SOX5: variants seen among roughly 807,000 people sequenced by gnomAD.
SOX5 encodes SRY-box transcription factor 5, also known as transcription factor SOX-5.
SOX5 carries 9 observed loss-of-function variants against 92.0 expected under a neutral mutation model. That is an observed-to-expected ratio of 0.10 (90% CI 0.06 to 0.17). SOX5 has a LOEUF of 0.17. Among genes scored for constraint, SOX5 ranks in the 10% least tolerant of loss-of-function variants. The pLI is 1.00. For missense variants in SOX5, 642 were observed against 944.5 expected (o/e 0.68, Z 4.20); for synonymous variants, 344 against 336.3 (o/e 1.02, Z -0.25).
In SOX5 at chr12:23,895,124, G is replaced by A. The variant is rs572485521; in HGVS notation, c.270+669C>T. ...CTTTCCTCTCATCCACAAAGTCCTGGTTTCCTAATCTTCTACAGTGATCCA... is the reference window on the plus strand; with the variant it reads ...CTTTCCTCTCATCCACAAAGTCCTGATTTCCTAATCTTCTACAGTGATCCA... On this transcript the variant is annotated intron_variant, in intron 2 of 14. Coordinates refer to ENST00000451604, the MANE Select transcript of SOX5 (RefSeq NM_006940.6). 4.8e-5 allele frequency among the ~76,000 whole-genome samples: 7 copies of A among 145,354 alleles called. No individual in the cohort carries two copies. In the South Asian group the frequency reaches 1.5e-3, roughly 31 times the overall value.
intron 2 of SOX5, among the ~76,000 whole-genome samples, chr12:24,325,650 C>T (rs1019728759): frequency 6.6e-6 from 1 of 152,118 alleles, no homozygotes; most frequent in Non-Finnish European, 1.5e-5. Flanking sequence ...GGGGAACATG[C>T]ATTTACATGA....
At chr12:24,051,618 A>G (rs1957571865) in intron 4 of SOX5, among the ~76,000 whole-genome samples, 1 of 152,200 alleles carries the variant, frequency 6.6e-6, no homozygotes, top group Non-Finnish European at 1.5e-5. Context: ...AAAATTGTTA[A>G]AAGTCTTTGA....
chr12:23,604,358 G>T (rs748087696), intron 9 of SOX5, 29 bp downstream of exon 9: 18 of 1,611,474 alleles, frequency 1.1e-5, no homozygotes, highest in Admixed American at 1.7e-5. Context: ...AAGCTAAGTG[G>T]CAAGACAGTG....
intron 4 of SOX5, among the ~76,000 whole-genome samples, chr12:24,169,832 T>C (rs1953867912): frequency 6.6e-6 from 1 of 152,208 alleles, no homozygotes; most frequent in Non-Finnish European, 1.5e-5. Context: ...TAGTAAATGA[T>C]GGATCTGACT....
intron 4 of SOX5, among the ~76,000 whole-genome samples, chr12:24,017,333 T>C (rs549002475): frequency 4.6e-5 from 7 of 152,256 alleles, no homozygotes; most frequent in Admixed American, 3.9e-4. Flanking sequence ...GTGTGGTGGT[T>C]CATGCCTGTA....
chr12:23,879,356 C>G (rs1157304115), intron 2 of SOX5, among the ~76,000 whole-genome samples: 1 of 151,868 alleles, frequency 6.6e-6, no homozygotes, highest in East Asian at 1.9e-4. Context: ...AAGAAATTAA[C>G]AGGAAGAAAA....
intron 2 of SOX5, among the ~76,000 whole-genome samples, chr12:23,849,413 T>A (rs2096607206): frequency 6.6e-6 from 1 of 152,184 alleles, no homozygotes; most frequent in Admixed American, 6.5e-5. Context: ...CAAGCCTGAT[T>A]ATAATTTCCA....
At chr12:24,425,457 C>T (rs1048551405) in intron 1 of SOX5, among the ~76,000 whole-genome samples, 5 of 152,190 alleles carry the variant, frequency 3.3e-5, no homozygotes, top group Admixed American at 6.5e-5. Flanking sequence ...CCCAAACCAT[C>T]AAAACCACAC....
chr12:23,648,349 GA>G (rs1297725412), intron 7 of SOX5, among the ~76,000 whole-genome samples: 1 of 152,138 alleles, frequency 6.6e-6, no homozygotes, highest in Non-Finnish European at 1.5e-5. Context: ...TCCTTTATGT[GA>G]AAGTTTATAT....
At chr12:23,618,836 T>A (rs1319990236) in intron 8 of SOX5, among the ~76,000 whole-genome samples, 1 of 152,170 alleles carries the variant, frequency 6.6e-6, no homozygotes, top group African/African-American at 2.4e-5. Flanking sequence ...ATTAAATTCA[T>A]CTCTTTTGCA....
At chr12:24,328,960 T>C (rs1474128505) in intron 2 of SOX5, among the ~76,000 whole-genome samples, 1 of 152,170 alleles carries the variant, frequency 6.6e-6, no homozygotes, top group African/African-American at 2.4e-5. Flanking sequence ...TCATACAAAA[T>C]ATTTCTATTG....
intron 1 of SOX5, among the ~76,000 whole-genome samples, chr12:24,369,801 A>T (rs1956542330): frequency 6.6e-6 from 1 of 152,218 alleles, no homozygotes; most frequent in African/African-American, 2.4e-5. Flanking sequence ...TAATCTTGAC[A>T]CTAACAATAG....
intron 4 of SOX5, among the ~76,000 whole-genome samples, chr12:24,023,130 G>A (rs1055687157): frequency 4.6e-5 from 7 of 152,014 alleles, no homozygotes; most frequent in African/African-American, 1.4e-4. Flanking sequence ...ATTTATCTGT[G>A]AATCATAATT....
chr12:24,115,634 A>C (rs185662282), intron 4 of SOX5, among the ~76,000 whole-genome samples: 46 of 152,342 alleles, frequency 3.0e-4, no homozygotes, highest in Admixed American at 3.0e-3. Flanking sequence ...AGATTTGATA[A>C]AGGCAAAGAT....
chr12:24,395,662 A>G (rs1283695469), intron 1 of SOX5, among the ~76,000 whole-genome samples: 4 of 152,250 alleles, frequency 2.6e-5, no homozygotes, highest in Non-Finnish European at 5.9e-5. Flanking sequence ...GAAACCATCA[A>G]TAAAGCATAG....
intron 1 of SOX5, among the ~76,000 whole-genome samples, chr12:24,542,720 G>A (rs769465907): frequency 6.6e-6 from 1 of 152,146 alleles, no homozygotes. Flanking sequence ...ATGTTTTATT[G>A]ACACCAAATT....
chr12:23,643,775 G>A (rs2080447561), intron 7 of SOX5, among the ~76,000 whole-genome samples: 1 of 152,134 alleles, frequency 6.6e-6, no homozygotes, highest in African/African-American at 2.4e-5. Context: ...CGGTTTCAGT[G>A]GAGTGGAGGT....
intron 3 of SOX5, among the ~76,000 whole-genome samples, chr12:24,243,957 T>C (rs1018811660): frequency 6.6e-6 from 1 of 151,806 alleles, no homozygotes; most frequent in African/African-American, 2.4e-5. Context: ...TTATTCTGAA[T>C]TCAAGCTATC....
chr12:24,112,969 T>G (rs1852930838), intron 4 of SOX5, among the ~76,000 whole-genome samples: 1 of 151,934 alleles, frequency 6.6e-6, no homozygotes, highest in African/African-American at 2.4e-5. Context: ...AGCCATAAAA[T>G]ATTTCCTCTT....
Sources: gnomAD v4.1 joint callset for allele counts (sites outside exome capture counted in the v4.1 genomes callset) on GRCh38, gnomAD v4.1.1 for gene constraint, MANE v1.5 for transcripts, NCBI Gene and HGNC (gene_info 2026-07-23, HGNC 2026-07-21) for gene names.